The following TRIO variants were observed in gnomAD, a reference collection of about 807,000 sequenced individuals.
TRIO encodes the protein triple functional domain protein.
TRIO carries 58 observed loss-of-function variants against 351.9 expected under a neutral mutation model. The ratio of observed to expected loss-of-function variants is 0.16; its 90% CI spans 0.13 to 0.21. TRIO has a LOEUF of 0.21. TRIO is among the 10% of genes least tolerant of loss of function. The pLI, the probability that TRIO is intolerant of heterozygous loss-of-function variation, is 1.00. For missense variants in TRIO, 3,201 were observed against 4,027.8 expected, an observed-to-expected ratio of 0.79 and a Z score of 5.56; for synonymous variants, 1,758 against 1,595.7, an observed-to-expected ratio of 1.10 and a Z score of -2.42.
At chr5:14,458,751 A>T (rs756848941) in intron 34 of TRIO, among the ~76,000 whole-genome samples, 35 of 152,266 alleles carry the variant, frequency 2.3e-4, no homozygotes, top group Non-Finnish European at 4.0e-4. Context: ...TGACATATAG[A>T]TTATCCAAAC....
At chr5:14,277,809 C>G (rs973250592) in intron 2 of TRIO, among the ~76,000 whole-genome samples, 4 of 152,192 alleles carry the variant, frequency 2.6e-5, no homozygotes, top group African/African-American at 9.7e-5. Flanking sequence ...GACCATGTTC[C>G]TCTGAACTAT....
chr5:14,286,922 C>T lies in TRIO; in HGVS notation c.399C>T (p.Ser133=), dbSNP rs200590042. ...CGGTGATCGTGGACATGCGTGGGTC[C>T]AAGTGGGACTCCATCAAGCCCCTTC... The part of the protein sequence containing the change: ...GFTVIVDMRG[S]KWDSIKPLLK... Residue 133 remains serine (S), a synonymous_variant, in exon 4 of 57, where the codon TCC becomes TCT. Transcript: ENST00000344204. This position sits in a 1 kb window ranked among gnomAD's most constrained non-coding sequence, Gnocchi z 4.4. 3 of 1,614,118 alleles carry T rather than the reference C, an allele frequency of 1.9e-6. No individual in the cohort carries two copies. Among genetic ancestry groups the T allele is most frequent in the Non-Finnish European group, 2.5e-6 (3 of 1,179,980 alleles).
intron 53 of TRIO, among the ~76,000 whole-genome samples, chr5:14,501,459 C>T (rs1757298179): frequency 6.6e-6 from 1 of 152,206 alleles, no homozygotes; most frequent in Admixed American, 6.5e-5. Flanking sequence ...GGATCAGACA[C>T]GGGTTCACTT....
intron 11 of TRIO, 146 bp downstream of exon 11, chr5:14,336,873 C>A: frequency 1.2e-6 from 1 of 853,700 alleles, no homozygotes; most frequent in South Asian, 1.8e-5. Context: ...AGTGTGTCTG[C>A]GTGGACAGGG....
At position 14,286,985 on chromosome 5, in the gene TRIO, T is replaced by C. The variant is rs751468502; in HGVS notation, c.462T>C (p.His154=). The stretch of plus-strand genomic sequence containing the variant: ...AGGAGTCCTTCCCCTGCTGCATCCA[T>C]GTGGCCCTGATCATCAAGCCAGACA... ...ILQESFPCCI[H]VALIIKPDNF... is the part of the protein sequence containing the mutation. The change falls in exon 4 of 57, where the codon CAT becomes CAC. Residue 154 remains histidine (H), a synonymous_variant. Coordinates refer to ENST00000344204, the MANE Select transcript of TRIO (RefSeq NM_007118.4). The surrounding 1 kb of genome is among the most constrained non-coding windows in gnomAD (Gnocchi z 4.4). The C allele has an allele frequency of 5.6e-6, 9 of 1,614,188 alleles. No individual in the cohort carries two copies. The South Asian group carries it at 6.6e-5, about 12-fold the overall frequency.
At chr5:14,493,956 C>T (rs1006981358) in intron 49 of TRIO, among the ~76,000 whole-genome samples, 1 of 152,204 alleles carries the variant, frequency 6.6e-6, no homozygotes, top group Non-Finnish European at 1.5e-5. Flanking sequence ...AAGGCTCCAT[C>T]TCTCTCCAGT....
At chr5:14,458,086 G>C (rs550782736) in intron 34 of TRIO, among the ~76,000 whole-genome samples, 1 of 149,820 alleles carries the variant, frequency 6.7e-6, no homozygotes, top group African/African-American at 2.5e-5. Flanking sequence ...AGGCACAGCA[G>C]AGCTCCGTGG....
chr5:14,307,932 A>G (rs989382766), intron 8 of TRIO, among the ~76,000 whole-genome samples: 7 of 152,144 alleles, frequency 4.6e-5, no homozygotes, highest in Non-Finnish European at 1.0e-4. Flanking sequence ...GTCGGTTATA[A>G]TTTGATACTC....
chr5:14,329,794 A>G (rs1197835006), intron 9 of TRIO, among the ~76,000 whole-genome samples: 1 of 152,204 alleles, frequency 6.6e-6, no homozygotes. Context: ...CAAAGTGGGC[A>G]TTTGATGTAG....
rs561684486 is a variant in TRIO at position 14,323,978 on chromosome 5, G to C, written c.1732-6800G>C. Among the ~76,000 whole-genome samples, 5 of 152,290 alleles carry C rather than the reference G, an allele frequency of 3.3e-5. No homozygotes were observed. The East Asian group carries it at 9.6e-4, about 29-fold the overall frequency. On this transcript the variant is annotated intron_variant, in intron 9 of 56. Transcript: ENST00000344204. ...TACTTTGGTTTAACCGATCTGAAAT[G>C]ATGTTGCTTAGTCAATGAGTCATCT...
intron 1 of TRIO, among the ~76,000 whole-genome samples, chr5:14,171,534 T>C (rs980894575): frequency 6.6e-6 from 1 of 152,234 alleles, no homozygotes; most frequent in East Asian, 1.9e-4. Context: ...AGGATAAAGG[T>C]AGAGTTTAGC....
At chr5:14,436,959 G>A (rs539331106) in intron 34 of TRIO, among the ~76,000 whole-genome samples, 6 of 152,332 alleles carry the variant, frequency 3.9e-5, no homozygotes, top group Admixed American at 3.9e-4. Context: ...GGTCTGGAGG[G>A]TGGTGGCCCT....
At chr5:14,231,140 G>A (rs1027782751) in intron 1 of TRIO, among the ~76,000 whole-genome samples, 1 of 152,116 alleles carries the variant, frequency 6.6e-6, no homozygotes, top group African/African-American at 2.4e-5. Flanking sequence ...CAACCCTCTC[G>A]ATCCTCTTGT....
chr5:14,468,763 A>C (rs1754463406), intron 37 of TRIO, among the ~76,000 whole-genome samples: 2 of 152,224 alleles, frequency 1.3e-5, no homozygotes, highest in African/African-American at 4.8e-5. Context: ...TGCATTGTTT[A>C]TTCTTCAGAA....
Position 14,348,075 on chromosome 5 carries a change from G to A in TRIO, c.2047-10103G>A, listed in dbSNP as rs138346668. On this transcript the variant is annotated intron_variant, in intron 11 of 56. Transcript: ENST00000344204. ...TCCACTGTGGTGACCAAGGGAGGCC[G>A]TCGTCTTGCTTTCTGGCTGCTGTTT... Among the ~76,000 whole-genome samples the A allele has an allele frequency of 1.1e-3, 175 of 152,314 alleles. 1 individual carries two copies. Among genetic ancestry groups the A allele is most frequent in the African/African-American group, 4.1e-3 (169 of 41,584 alleles).
rs27096 is a variant in TRIO, at chr5:14,498,796, C to T, written c.8332+156C>T. On this transcript the variant is annotated intron_variant, in intron 53 of 56. Coordinates refer to ENST00000344204, the MANE Select transcript of TRIO (RefSeq NM_007118.4). ...TCAAAAGACAGTTGTAAGTAGCAGACCAGAGTGTCTGGGATGTCACAGGAG... is the reference window on the plus strand; with the variant it reads ...TCAAAAGACAGTTGTAAGTAGCAGATCAGAGTGTCTGGGATGTCACAGGAG... 2.1e-5 allele frequency: 25 copies of T among 1,173,616 alleles called. No individual in the cohort carries two copies. In the East Asian group the frequency reaches 6.1e-4, roughly 29 times the overall value. 72.7% of individuals were successfully genotyped at this position (1,173,616 alleles called of 1,614,324 possible). A position where few individuals can be genotyped will look rare whatever the true frequency, so the allele number is the denominator to read the frequency against.
intron 34 of TRIO, among the ~76,000 whole-genome samples, chr5:14,448,209 T>G (rs1303585466): frequency 6.6e-6 from 1 of 152,246 alleles, no homozygotes; most frequent in Non-Finnish European, 1.5e-5. Context: ...TTTGACTTTT[T>G]GGGAACACAG....
chr5:14,397,502 A>G (rs1043459577), intron 29 of TRIO, among the ~76,000 whole-genome samples: 1 of 152,180 alleles, frequency 6.6e-6, no homozygotes, highest in Non-Finnish European at 1.5e-5. Context: ...CCTTAAAAGA[A>G]TGTGTTGCTT....
intron 49 of TRIO, 49 bp downstream of exon 49, chr5:14,492,863 G>A (rs777570333): frequency 1.9e-6 from 3 of 1,599,576 alleles, no homozygotes; most frequent in Admixed American, 1.7e-5. Context: ...GAGGGAGGGG[G>A]CACAGCACCC....
Sources: allele counts gnomAD v4.1 joint callset (sites outside exome capture counted in the v4.1 genomes callset), GRCh38; gene constraint gnomAD v4.1.1; non-coding constraint Gnocchi (gnomAD v3.1); transcripts MANE v1.5; gene names NCBI Gene and HGNC (gene_info 2026-07-23, HGNC 2026-07-21).